FYN: variants seen among roughly 807,000 people sequenced by gnomAD.
FYN encodes the protein FYN proto-oncogene, Src family tyrosine kinase.
FYN carries 10 observed loss-of-function variants against 70.2 expected under a neutral mutation model. The ratio of observed to expected loss-of-function variants is 0.14; its 90% CI spans 0.09 to 0.24. FYN has a LOEUF of 0.24. Among genes scored for constraint, FYN ranks in the 10% least tolerant of loss-of-function variants. The pLI is 1.00. For synonymous variants in FYN, 236 were observed against 248.6 expected, an observed-to-expected ratio of 0.95 and a Z score of 0.48; for missense variants, 319 against 673.1, an observed-to-expected ratio of 0.47 and a Z score of 5.82.
At chr6:111,749,643 T>C (rs1259772377) in intron 3 of FYN, among the ~76,000 whole-genome samples, 1 of 152,272 alleles carries the variant, frequency 6.6e-6, no homozygotes, top group Non-Finnish European at 1.5e-5. Flanking sequence ...GAAGTTATTC[T>C]GCATCTCCCA....
At chr6:111,869,725 CT>C (rs1774216143) in intron 1 of FYN, among the ~76,000 whole-genome samples, 1 of 152,192 alleles carries the variant, frequency 6.6e-6, no homozygotes, top group South Asian at 2.1e-4. Flanking sequence ...CTCCTAGCAA[CT>C]TTGGGAGTCT....
chr6:111,727,537 TAC>T (rs1026091006), intron 3 of FYN, among the ~76,000 whole-genome samples: 43 of 152,334 alleles, frequency 2.8e-4, no homozygotes, highest in African/African-American at 9.9e-4. Flanking sequence ...ATTAAAATAT[TAC>T]AGTCTCTGAG....
intron 13 of FYN, among the ~76,000 whole-genome samples, chr6:111,673,619 A>ACTGTTTT (rs1301768351): frequency 0.01 from 668 of 64,962 alleles, 16 homozygotes; most frequent in African/African-American, 0.031. Context: ...CGTTTCTATC[A>ACTGTTTT]TTGTTTTTTT....
intron 2 of FYN, among the ~76,000 whole-genome samples, chr6:111,796,040 A>G (rs370912703): frequency 6.6e-6 from 1 of 152,228 alleles, no homozygotes; most frequent in Non-Finnish European, 1.5e-5. Flanking sequence ...TAATAACCCA[A>G]TGGCTTAGAC....
intron 3 of FYN, among the ~76,000 whole-genome samples, chr6:111,770,301 C>G (rs1352621883): frequency 2.6e-5 from 4 of 152,142 alleles, no homozygotes; most frequent in Non-Finnish European, 2.9e-5. Flanking sequence ...TAATTTTACT[C>G]ATTTCATTCT....
At chr6:111,794,100 G>A (rs1052318483) in intron 2 of FYN, among the ~76,000 whole-genome samples, 1 of 152,228 alleles carries the variant, frequency 6.6e-6, no homozygotes, top group Non-Finnish European at 1.5e-5. Flanking sequence ...CTGCCACTGA[G>A]CTGCTCTCCT....
At chr6:111,829,041 A>G (rs936471850) in intron 2 of FYN, among the ~76,000 whole-genome samples, 2 of 152,256 alleles carry the variant, frequency 1.3e-5, no homozygotes, top group Non-Finnish European at 2.9e-5. Context: ...CTGGCCACAG[A>G]ATCCATTTTC....
At chr6:111,663,748 C>T (rs1428929432) in intron 13 of FYN, among the ~76,000 whole-genome samples, 1 of 152,132 alleles carries the variant, frequency 6.6e-6, no homozygotes, top group Non-Finnish European at 1.5e-5. Flanking sequence ...CCTTTACCAG[C>T]GACTTCCTCA....
At chr6:111,738,949 C>T (rs1337159128) in intron 3 of FYN, among the ~76,000 whole-genome samples, 2 of 151,972 alleles carry the variant, frequency 1.3e-5, no homozygotes, top group Non-Finnish European at 2.9e-5. Context: ...GCTCTGTTCT[C>T]CCTAATGAAA....
At chr6:111,827,566 G>C (rs1772877962) in intron 2 of FYN, among the ~76,000 whole-genome samples, 3 of 152,168 alleles carry the variant, frequency 2.0e-5, no homozygotes, top group Admixed American at 2.0e-4. Context: ...GCTGGTCCTG[G>C]AGAAAAGCTG....
At chr6:111,675,747 C>T (rs910153729) in intron 12 of FYN, among the ~76,000 whole-genome samples, 2 of 151,500 alleles carry the variant, frequency 1.3e-5, no homozygotes, top group Non-Finnish European at 2.9e-5. Context: ...GAGCCGAGAT[C>T]GTGCCATTAT....
chr6:111,847,582 G>A (rs1773567474), intron 1 of FYN, among the ~76,000 whole-genome samples: 1 of 152,006 alleles, frequency 6.6e-6, no homozygotes, highest in Admixed American at 6.6e-5. Flanking sequence ...TTTTCAATGT[G>A]ACTCTTAGTA....
chr6:111,797,871 T>A (rs1399693051), intron 2 of FYN, among the ~76,000 whole-genome samples: 1 of 151,928 alleles, frequency 6.6e-6, no homozygotes, highest in Admixed American at 6.6e-5. Context: ...CAAGTGATTC[T>A]CCTGCCTCAG....
rs532446258 is a variant in FYN at position 111,820,746 on chromosome 6, T to TA, written c.-82+25842dup. Among the ~76,000 whole-genome samples, 360 of 151,038 alleles carry TA rather than the reference T, an allele frequency of 2.4e-3. 3 individuals are homozygous for TA. Among genetic ancestry groups the TA allele is most frequent in the South Asian group, 0.015 (73 of 4,772 alleles). ...CTTAGGAAAAACAGATGCATAATTATAAAAAAAAATGATATAAGCACTGGA... is the reference window on the plus strand; with the variant it reads ...CTTAGGAAAAACAGATGCATAATTATAAAAAAAAAATGATATAAGCACTGGA... On this transcript the variant is annotated intron_variant, in intron 2 of 13. Transcript: ENST00000354650.
chr6:111,867,258 A>C (rs545809070), intron 1 of FYN, among the ~76,000 whole-genome samples: 31 of 152,160 alleles, frequency 2.0e-4, no homozygotes, highest in African/African-American at 5.5e-4. Context: ...GATCCCCTGC[A>C]ATCAGAAGTT....
chr6:111,850,427 A>G (rs1773653169), intron 1 of FYN, among the ~76,000 whole-genome samples: 2 of 152,174 alleles, frequency 1.3e-5, no homozygotes, highest in African/African-American at 4.8e-5. Flanking sequence ...TGCACCAATG[A>G]TCATAGCTCT....
Position 111,748,101 on chromosome 6 carries a change from T to G in FYN, c.-11-28039A>C, listed in dbSNP as rs1025706500. The stretch of plus-strand genomic sequence containing the variant: ...TCTCCTTCCTTACATATTTTAACAT[T>G]ACATTCTGTAATTAGGTCAAAGCGA... On this transcript the variant is annotated intron_variant, in intron 3 of 13. Coordinates refer to ENST00000354650, the MANE Select transcript of FYN (RefSeq NM_002037.5). 7.2e-5 allele frequency among the ~76,000 whole-genome samples: 11 copies of G among 152,244 alleles called. 1 individual carries two copies. Among genetic ancestry groups the G allele is most frequent in the Non-Finnish European group, 1.5e-5 (1 of 68,046 alleles).
At chr6:111,699,312 G>A (rs575654635) in intron 9 of FYN, among the ~76,000 whole-genome samples, 22 of 152,180 alleles carry the variant, frequency 1.4e-4, no homozygotes, top group African/African-American at 4.8e-4. Context: ...CCTGTTCTGC[G>A]GGTGCCTTAA....
intron 5 of FYN, among the ~76,000 whole-genome samples, chr6:111,711,906 G>A (rs1800397642): frequency 6.6e-6 from 1 of 151,412 alleles, no homozygotes; most frequent in Admixed American, 6.6e-5. Context: ...CCACTGATAT[G>A]GAATTCCATT....
Sources: gnomAD v4.1 joint callset for allele counts (sites outside exome capture counted in the v4.1 genomes callset) on GRCh38, gnomAD v4.1.1 for gene constraint, MANE v1.5 for transcripts, NCBI Gene and HGNC (gene_info 2026-07-23, HGNC 2026-07-21) for gene names.